PCDHGA8: variants seen among roughly 807,000 people sequenced by gnomAD.
The protein encoded by PCDHGA8 is protocadherin gamma-A8.
Under a neutral mutation model 59.2 loss-of-function variants are expected in PCDHGA8, and 45 were observed. The ratio of observed to expected loss-of-function variants is 0.76; its 90% CI spans 0.60 to 0.98. PCDHGA8 has a LOEUF of 0.98. Among genes scored for constraint, PCDHGA8 ranks in the 50% least tolerant of loss-of-function variants. PCDHGA8 has a pLI of 0.00. For missense variants in PCDHGA8, 1,257 were observed against 1,196.2 expected, an observed-to-expected ratio of 1.05 and a Z score of -0.75; for synonymous variants, 531 against 519.0, an observed-to-expected ratio of 1.02 and a Z score of -0.32.
chr5:141,423,157 G>A (rs527921011), intron 1 of PCDHGA8: 1 of 1,610,820 alleles, frequency 6.2e-7, no homozygotes, highest in Non-Finnish European at 8.5e-7. Flanking sequence ...GCAGAGCCTC[G>A]TGGTGGCCGT....
At chr5:141,475,543 G>A (rs1161883598) in intron 1 of PCDHGA8, among the ~76,000 whole-genome samples, 1 of 152,196 alleles carries the variant, frequency 6.6e-6, no homozygotes, top group African/African-American at 2.4e-5. Flanking sequence ...TACAAGTAGG[G>A]TCCGGCTAAT....
rs776349562 is a variant in PCDHGA8 at position 141,491,131 on chromosome 5, G to T, written c.2425-3676G>T. The T allele has an allele frequency of 6.2e-7, 1 of 1,614,182 alleles. No individual in the cohort carries two copies. Among genetic ancestry groups the T allele is most frequent in the Non-Finnish European group, 8.5e-7 (1 of 1,180,008 alleles). On this transcript the variant is annotated intron_variant, in intron 1 of 3. Coordinates refer to ENST00000398604, the MANE Select transcript of PCDHGA8 (RefSeq NM_032088.2). This position sits in a 1 kb window ranked among gnomAD's most constrained non-coding sequence, Gnocchi z 6.9. ...TACACACACTGGTGAGGTGCGCACA[G>T]CCCGGGCCTTACTGGAGGATGACTC...
intron 1 of PCDHGA8, chr5:141,421,256 G>A (rs1205670837): frequency 1.2e-6 from 2 of 1,607,696 alleles, no homozygotes; most frequent in African/African-American, 1.3e-5. Flanking sequence ...CGCGGGGACC[G>A]CAGTCGGCTG....
chr5:141,419,065 C>T (rs763008753), intron 1 of PCDHGA8: 3 of 1,613,904 alleles, frequency 1.9e-6, no homozygotes, highest in Non-Finnish European at 2.5e-6. Flanking sequence ...ATAATTACTA[C>T]AAGCTAGTAA....
At position 141,477,722 on chromosome 5, in the gene PCDHGA8, A is replaced by G. The variant is rs768705340; in HGVS notation, c.2425-17085A>G. 9.3e-6 allele frequency: 15 copies of G among 1,613,878 alleles called. No homozygotes were observed. In the Middle Eastern group the frequency reaches 6.6e-4, roughly 71 times the overall value. On this transcript the variant is annotated intron_variant, in intron 1 of 3. Transcript: ENST00000398604. The surrounding 1 kb of genome is among the most constrained non-coding windows in gnomAD (Gnocchi z 4.9). ...TGAGGATCGGCGGGAATTTGAATTA[A>G]CAGCTCATATCAGCGATGGGGGCAC...
chr5:141,461,506 AT>A (rs1406680307), intron 1 of PCDHGA8, among the ~76,000 whole-genome samples: 2 of 151,524 alleles, frequency 1.3e-5, no homozygotes, highest in Non-Finnish European at 1.5e-5. Context: ...TTTCTTGGTG[AT>A]TTGTTAGTTC....
chr5:141,415,815 A>G, intron 1 of PCDHGA8: 1 of 1,337,656 alleles, frequency 7.5e-7, no homozygotes, highest in East Asian at 2.7e-5. Context: ...AGGCCTATAT[A>G]TCATAAGGCT....
chr5:141,485,359 C>T lies in PCDHGA8; in HGVS notation c.2425-9448C>T. ...TGGATACGGACAGTCTGTCAGCTCG[C>T]AGGCTGCAGGTCGCTGGAGAGGTGA... is the stretch of plus-strand genomic sequence containing the variant. On this transcript the variant is annotated intron_variant, in intron 1 of 3. Transcript: ENST00000398604. The surrounding 1 kb of genome is among the most constrained non-coding windows in gnomAD (Gnocchi z 5.7). 6.2e-7 allele frequency: 1 copy of T among 1,614,144 alleles called. No homozygotes were observed. The highest frequency in any genetic ancestry group is 8.5e-7 in the Non-Finnish European group (1 of 1,180,010).
chr5:141,432,859 C>A lies in PCDHGA8; in HGVS notation c.2424+37622C>A. The A allele has an allele frequency of 1.2e-6, 2 of 1,614,190 alleles. No homozygotes were observed. Among genetic ancestry groups the A allele is most frequent in the Non-Finnish European group, 1.7e-6 (2 of 1,180,020 alleles). The stretch of plus-strand genomic sequence containing the variant: ...ACCTGGTGGTAGCGGTGGCCGCGGT[C>A]TCCTGCGTCTTCCTGGCCTTCGTCA... On this transcript the variant is annotated intron_variant, in intron 1 of 3. Transcript: ENST00000398604. This position sits in a 1 kb window ranked among gnomAD's most constrained non-coding sequence, Gnocchi z 6.0.
intron 1 of PCDHGA8, among the ~76,000 whole-genome samples, chr5:141,454,476 A>G (rs918910449): frequency 6.6e-6 from 1 of 151,806 alleles, no homozygotes; most frequent in Non-Finnish European, 1.5e-5. Flanking sequence ...GCATGATCTC[A>G]GCTCACCGCA....
At chr5:141,410,004 ACGCCTGGCTGTC>A in intron 1 of PCDHGA8, 1 of 1,613,154 alleles carries the variant, frequency 6.2e-7, no homozygotes, top group Non-Finnish European at 8.5e-7. Flanking sequence ...TCGGGACACA[ACGCCTGGCTGTC>A]CTACCACGTG....
intron 1 of PCDHGA8, among the ~76,000 whole-genome samples, chr5:141,470,459 AT>A: frequency 6.6e-6 from 1 of 152,096 alleles, no homozygotes; most frequent in East Asian, 1.9e-4. Flanking sequence ...CTTGAATAGG[AT>A]TTTCTGATAT....
chr5:141,459,581 G>A (rs945690319), intron 1 of PCDHGA8, among the ~76,000 whole-genome samples: 1 of 152,138 alleles, frequency 6.6e-6, no homozygotes, highest in Non-Finnish European at 1.5e-5. Flanking sequence ...AATTGTTTTG[G>A]GGGTCATATG....
intron 1 of PCDHGA8, among the ~76,000 whole-genome samples, chr5:141,481,731 A>G (rs1339022274): frequency 6.6e-6 from 1 of 152,060 alleles, no homozygotes; most frequent in African/African-American, 2.4e-5. Context: ...AGGCGGGCGG[A>G]TCACGAGGTC....
intron 1 of PCDHGA8, chr5:141,427,507 T>A: frequency 1.7e-6 from 1 of 584,928 alleles, no homozygotes; most frequent in Non-Finnish European, 3.2e-6. Context: ...GATGGGACCC[T>A]GGATTGGGAG....
chr5:141,399,755 G>C (rs1420211451), intron 1 of PCDHGA8: 1 of 1,613,232 alleles, frequency 6.2e-7, no homozygotes, highest in Non-Finnish European at 8.5e-7. Context: ...GCAAACGTGA[G>C]CCTGCGCGTG....
rs919375073 is a variant in PCDHGA8 at position 141,490,642 on chromosome 5, C to A, written c.2425-4165C>A. On this transcript the variant is annotated intron_variant, in intron 1 of 3. Coordinates refer to ENST00000398604, the MANE Select transcript of PCDHGA8 (RefSeq NM_032088.2). This position sits in a 1 kb window ranked among gnomAD's most constrained non-coding sequence, Gnocchi z 5.4. ...CACTGCTTACATCCTAGAAAACCGG[C>A]CTCCGGGCTCCCTTCTTTGCACTGT... 4.3e-6 allele frequency: 7 copies of A among 1,614,102 alleles called. No individual in the cohort carries two copies. In the African/African-American group the frequency reaches 6.7e-5, roughly 15 times the overall value.
rs780241180 is a variant in PCDHGA8, at chr5:141,490,819, C to A, written c.2425-3988C>A. On this transcript the variant is annotated intron_variant, in intron 1 of 3. Transcript: ENST00000398604. The surrounding 1 kb of genome is among the most constrained non-coding windows in gnomAD (Gnocchi z 5.4). ...CCAGCGTACCTTTGACTATGAATTGCTGCAGATGCTGCAGATTGTGGTGGG... is the reference window on the plus strand; with the variant it reads ...CCAGCGTACCTTTGACTATGAATTGATGCAGATGCTGCAGATTGTGGTGGG... 3 of 1,613,842 alleles carry A rather than the reference C, an allele frequency of 1.9e-6. No individual in the cohort carries two copies. The highest frequency in any genetic ancestry group is 2.5e-6 in the Non-Finnish European group (3 of 1,179,804).
intron 3 of PCDHGA8, among the ~76,000 whole-genome samples, chr5:141,509,440 C>T (rs1036780108): frequency 2.0e-5 from 3 of 152,158 alleles, no homozygotes; most frequent in Non-Finnish European, 4.4e-5. Flanking sequence ...CTTGTTTCCT[C>T]CTCTCCCACC....
Sources: gnomAD v4.1 joint callset for allele counts (sites outside exome capture counted in the v4.1 genomes callset) on GRCh38, gnomAD v4.1.1 for gene constraint, Gnocchi (gnomAD v3.1) non-coding constraint, MANE v1.5 for transcripts, NCBI Gene and HGNC (gene_info 2026-07-23, HGNC 2026-07-21) for gene names.